SEC14L1: variants seen among roughly 807,000 people sequenced by gnomAD.
SEC14L1 encodes the protein SEC14 like lipid binding 1, also known as SEC14-like protein 1.
Under a neutral mutation model 85.3 loss-of-function variants are expected in SEC14L1, and 48 were observed. The observed-to-expected ratio is 0.56, with a 90% CI of 0.45 to 0.72. The LOEUF is 0.72. Ranked by LOEUF, SEC14L1 falls within the 30% of genes least tolerant of loss-of-function variation. SEC14L1 has a pLI of 0.00. For missense variants in SEC14L1, 682 were observed against 921.4 expected (o/e 0.74, Z 3.36); for synonymous variants, 391 against 355.5 (o/e 1.10, Z -1.12).
chr17:77,112,673 C>T (rs1243200501), intron 3 of SEC14L1, among the ~76,000 whole-genome samples: 1 of 148,114 alleles, frequency 6.8e-6, no homozygotes, highest in Non-Finnish European at 1.5e-5. Flanking sequence ...ATCACGAGGT[C>T]AGGAGATCGA....
Position 77,203,791 on chromosome 17 carries a change from A to C in SEC14L1, c.1098+133A>C, listed in dbSNP as rs76367918. 2.0e-3 allele frequency: 1,281 copies of C among 656,464 alleles called. 17 individuals carry two copies. In the African/African-American group the frequency reaches 0.021, roughly 11 times the overall value. The allele number at this position is 656,464 out of a possible 1,614,324, so 40.7% of individuals were successfully genotyped here. On this transcript the variant is annotated intron_variant, in intron 10 of 16. Coordinates refer to ENST00000436233, the MANE Select transcript of SEC14L1 (RefSeq NM_001143998.2). Reference sequence around the variant, plus strand: ...ATGTAGTTAGGACTGAAAATATATTAATATCGTCTTAAAATTTCAAAAGGA... The same window carrying C: ...ATGTAGTTAGGACTGAAAATATATTCATATCGTCTTAAAATTTCAAAAGGA...
At chr17:77,161,675 T>C (rs1974056720) in intron 3 of SEC14L1, among the ~76,000 whole-genome samples, 1 of 151,756 alleles carries the variant, frequency 6.6e-6, no homozygotes. Flanking sequence ...TTGCTTTACT[T>C]TCATGAATCC....
rs879030446 is a variant in SEC14L1, at chr17:77,216,056, C to T, written c.*2033C>T. The T allele has an allele frequency of 5.6e-5, 51 of 915,720 alleles. No homozygotes were observed. The African/African-American group carries it at 7.0e-4, about 13-fold the overall frequency. 56.7% of individuals were successfully genotyped at this position (915,720 alleles called of 1,614,324 possible). On this transcript the variant is annotated 3_prime_UTR_variant, in exon 17 of 17. Coordinates refer to ENST00000436233, the MANE Select transcript of SEC14L1 (RefSeq NM_001143998.2). ...TAGTAGGTAGGGTTAGTAGGTAGGG[C>T]TAGTAGGTAGGGCTAGTAGGTAGGG...
At chr17:77,198,303 C>T (rs1975917066) in intron 8 of SEC14L1, among the ~76,000 whole-genome samples, 2 of 152,216 alleles carry the variant, frequency 1.3e-5, no homozygotes, top group African/African-American at 4.8e-5. Flanking sequence ...TAAATAGAGT[C>T]ATATGGCCAG....
intron 4 of SEC14L1, 94 bp downstream of exon 4, chr17:77,191,046 C>A: frequency 6.5e-7 from 1 of 1,550,268 alleles, no homozygotes; most frequent in Non-Finnish European, 8.8e-7. Context: ...AGAGGGCATC[C>A]TGGAGGGAGA....
At chr17:77,180,055 TA>T (rs1974951159) in intron 3 of SEC14L1, among the ~76,000 whole-genome samples, 2 of 59,632 alleles carry the variant, frequency 3.4e-5, no homozygotes, top group Admixed American at 4.2e-4. Flanking sequence ...TTTGTTATGT[TA>T]TGTTATGTTA....
At chr17:77,169,571 G>A (rs1974439449) in intron 3 of SEC14L1, among the ~76,000 whole-genome samples, 1 of 152,192 alleles carries the variant, frequency 6.6e-6, no homozygotes, top group African/African-American at 2.4e-5. Flanking sequence ...TCGCATCTTG[G>A]TATCCTGTTC....
intron 3 of SEC14L1, among the ~76,000 whole-genome samples, chr17:77,150,020 C>T (rs760340187): frequency 4.6e-5 from 7 of 152,126 alleles, no homozygotes; most frequent in Admixed American, 6.5e-5. Context: ...CTGCTCCTTG[C>T]GGAGCAGGGC....
intron 3 of SEC14L1, among the ~76,000 whole-genome samples, chr17:77,123,491 A>T (rs1427172952): frequency 7.4e-6 from 1 of 135,588 alleles, no homozygotes; most frequent in African/African-American, 2.9e-5. Flanking sequence ...GGCTCGCTGC[A>T]ACCTCCGCCT....
chr17:77,139,273 G>C (rs958179056), upstream of SEC14L1, among the ~76,000 whole-genome samples: 2 of 150,996 alleles, frequency 1.3e-5, no homozygotes, highest in African/African-American at 4.9e-5. Flanking sequence ...CCAGGTTCAA[G>C]TGATTCTCCT....
chr17:77,215,224 G>C lies in SEC14L1; in HGVS notation c.*1201G>C. 1 of 985,386 alleles carries C rather than the reference G, an allele frequency of 1.0e-6. No individual in the cohort carries two copies. Among genetic ancestry groups the C allele is most frequent in the Non-Finnish European group, 1.2e-6 (1 of 829,948 alleles). 61.0% of individuals were successfully genotyped at this position (985,386 alleles called of 1,614,324 possible). A position where few individuals can be genotyped will look rare whatever the true frequency, so the allele number is the denominator to read the frequency against. ...GCCTTTTACATTTTGTTTAATTCCT[G>C]ATTTTAAAGCCTGCTCTATCTGGTA... is the stretch of plus-strand genomic sequence containing the variant. On this transcript the variant is annotated 3_prime_UTR_variant, in exon 17 of 17. Coordinates refer to ENST00000436233, the MANE Select transcript of SEC14L1 (RefSeq NM_001143998.2).
intron 3 of SEC14L1, among the ~76,000 whole-genome samples, chr17:77,096,973 G>A (rs1021868140): frequency 1.3e-5 from 2 of 152,334 alleles, no homozygotes; most frequent in Non-Finnish European, 1.5e-5. Flanking sequence ...TTCGTGATAA[G>A]TGCTTTCCTT....
At chr17:77,161,348 A>G (rs1974044128) in intron 3 of SEC14L1, among the ~76,000 whole-genome samples, 1 of 152,146 alleles carries the variant, frequency 6.6e-6, no homozygotes, top group Non-Finnish European at 1.5e-5. Flanking sequence ...TCAGCTGGGC[A>G]TGGTGGCACC....
intron 3 of SEC14L1, among the ~76,000 whole-genome samples, chr17:77,118,869 A>G (rs543297582): frequency 6.6e-6 from 1 of 152,336 alleles, no homozygotes; most frequent in African/African-American, 2.4e-5. Flanking sequence ...TGGGAAAGAA[A>G]TAGCTAGTAC....
chr17:77,198,758 G>C (rs376068839), intron 8 of SEC14L1, among the ~76,000 whole-genome samples: 414 of 152,106 alleles, frequency 2.7e-3, no homozygotes, highest in African/African-American at 9.7e-3. Flanking sequence ...ATTTTTAGTA[G>C]AGATGGGGTT....
In SEC14L1 at chr17:77,215,861, G is replaced by T; in HGVS notation, c.*1838G>T. The T allele has an allele frequency of 1.0e-6, 1 of 973,878 alleles. No individual in the cohort carries two copies. The highest frequency in any genetic ancestry group is 1.2e-6 in the Non-Finnish European group (1 of 824,210). The allele number at this position is 973,878 out of a possible 1,614,324, so 60.3% of individuals were successfully genotyped here. ...GGCTAGTAGGTAGGGTTAGTAGGTA[G>T]GGTTCGTAGGTAGGGTTCGTAGGTA... On this transcript the variant is annotated 3_prime_UTR_variant, in exon 17 of 17. Coordinates refer to ENST00000436233, the MANE Select transcript of SEC14L1 (RefSeq NM_001143998.2).
intron 3 of SEC14L1, among the ~76,000 whole-genome samples, chr17:77,097,792 C>G (rs1321916064): frequency 6.6e-6 from 1 of 152,092 alleles, no homozygotes; most frequent in Admixed American, 6.6e-5. Flanking sequence ...ATACTCCCTC[C>G]TCTCAGAGAA....
chr17:77,162,978 T>C (rs1007522376), intron 3 of SEC14L1, among the ~76,000 whole-genome samples: 9 of 152,134 alleles, frequency 5.9e-5, no homozygotes, highest in Non-Finnish European at 7.4e-5. Flanking sequence ...TTAAAGCTAT[T>C]TAGTTTGAGA....
chr17:77,159,286 C>T (rs1389846626), intron 3 of SEC14L1, among the ~76,000 whole-genome samples: 7 of 151,866 alleles, frequency 4.6e-5, no homozygotes, highest in Admixed American at 1.3e-4. Context: ...AGGCTGGTCT[C>T]GAACTTCTGA....
Sources: gnomAD v4.1 joint callset for allele counts (sites outside exome capture counted in the v4.1 genomes callset) on GRCh38, gnomAD v4.1.1 for gene constraint, MANE v1.5 for transcripts, NCBI Gene and HGNC (gene_info 2026-07-23, HGNC 2026-07-21) for gene names.